SGCE: variants seen among roughly 807,000 people sequenced by gnomAD.
The protein encoded by SGCE is epsilon-sarcoglycan.
Under a neutral mutation model 57.8 loss-of-function variants are expected in SGCE, and 26 were observed. The observed-to-expected ratio is 0.45, with a 90% CI of 0.33 to 0.62. SGCE has a LOEUF of 0.62. SGCE is among the 20% of genes least tolerant of loss of function. The probability of loss-of-function intolerance (pLI) is 0.02; values close to 1 mark genes in which losing one functional copy is unlikely to be tolerated. For synonymous variants in SGCE, 183 were observed against 189.5 expected, an observed-to-expected ratio of 0.97 and a Z score of 0.28; for missense variants, 468 against 548.6, an observed-to-expected ratio of 0.85 and a Z score of 1.47.
intron 3 of SGCE, chr7:94,625,460 C>T (rs1407543201): frequency 6.6e-6 from 1 of 151,868 alleles, no homozygotes; most frequent in Admixed American, 6.6e-5. Flanking sequence ...TCTTATGAAA[C>T]CATCCCAGTA....
intron 1 of SGCE, among the ~76,000 whole-genome samples, chr7:94,644,040 C>T (rs116938643): frequency 6.6e-6 from 1 of 152,280 alleles, no homozygotes; most frequent in Non-Finnish European, 1.5e-5. Flanking sequence ...CTGTGCTCAC[C>T]AGGTTCATGG....
intron 5 of SGCE, chr7:94,616,854 G>C (rs1477852084): frequency 2.0e-5 from 3 of 152,130 alleles, no homozygotes; most frequent in African/African-American, 7.2e-5. Context: ...TTATAGAAAT[G>C]CTATTTTAAA....
Position 94,585,445 on chromosome 7 carries a change from G to A in SGCE, c.*54C>T, listed in dbSNP as rs1170264003. The A allele has an allele frequency of 2.0e-6, 3 of 1,536,834 alleles. No individual in the cohort carries two copies. Among genetic ancestry groups the A allele is most frequent in the Admixed American group, 3.3e-5 (2 of 59,878 alleles). Reference sequence around the variant, plus strand: ...TATTGGAAGAGAAAAGAAATGTGATGTAACTGCTATATTGTCTGATTATAA... The same window carrying A: ...TATTGGAAGAGAAAAGAAATGTGATATAACTGCTATATTGTCTGATTATAA... On this transcript the variant is annotated 3_prime_UTR_variant, in exon 11 of 11. Transcript: ENST00000648936.
intron 10 of SGCE, chr7:94,587,057 T>G (rs1412783172): frequency 1.0e-6 from 1 of 984,874 alleles, no homozygotes; most frequent in Non-Finnish European, 1.2e-6. Flanking sequence ...AAAGCTTTCT[T>G]GACTCAAGCA....
chr7:94,614,107 CAAAAAAAAAAAAA>C (rs925650428), intron 5 of SGCE, among the ~76,000 whole-genome samples: 1 of 94,964 alleles, frequency 1.1e-5, no homozygotes, highest in African/African-American at 4.8e-5. Context: ...AAATTGAAAT[CAAAAAAAAAAAAA>C]AAAAAAAAAA....
chr7:94,620,122 C>G (rs929380072), intron 4 of SGCE: 11 of 152,168 alleles, frequency 7.2e-5, no homozygotes, highest in Admixed American at 7.2e-4. Context: ...GTAAGATATT[C>G]CACTTTTATT....
chr7:94,608,995 C>A (rs550296642), intron 5 of SGCE, among the ~76,000 whole-genome samples: 16 of 152,204 alleles, frequency 1.1e-4, no homozygotes, highest in South Asian at 1.0e-3. Flanking sequence ...ATCGAGATGA[C>A]CTTGGATTTG....
intron 1 of SGCE, among the ~76,000 whole-genome samples, chr7:94,646,931 C>T (rs1265283940): frequency 3.9e-5 from 6 of 152,188 alleles, no homozygotes; most frequent in African/African-American, 1.4e-4. Context: ...TCCCTCATAT[C>T]CCTGTTGCCA....
At position 94,642,984 on chromosome 7, in the gene SGCE, A is replaced by G. The variant is rs540050444; in HGVS notation, c.109+13006T>C. 5.9e-5 allele frequency among the ~76,000 whole-genome samples: 9 copies of G among 152,242 alleles called. No homozygotes were observed. The South Asian group carries it at 1.5e-3, about 25-fold the overall frequency. ...AAGTAAATCCTGCAGGCAAGCAGAC[A>G]CTCTATAGAACTCTCCATTTCTCCA... On this transcript the variant is annotated intron_variant, in intron 1 of 10. Coordinates refer to ENST00000648936, the MANE Select transcript of SGCE (RefSeq NM_003919.3).
chr7:94,650,874 C>G (rs1287583948), intron 1 of SGCE, among the ~76,000 whole-genome samples: 1 of 152,148 alleles, frequency 6.6e-6, no homozygotes, highest in Non-Finnish European at 1.5e-5. Flanking sequence ...TAAACACTTC[C>G]AGACCCTGTG....
intron 5 of SGCE, among the ~76,000 whole-genome samples, chr7:94,610,132 A>G (rs1054064495): frequency 6.6e-6 from 1 of 152,254 alleles, no homozygotes; most frequent in African/African-American, 2.4e-5. Flanking sequence ...CATGATTCCA[A>G]TTATATGACA....
At chr7:94,596,857 A>T (rs1226172832) in intron 9 of SGCE, among the ~76,000 whole-genome samples, 1 of 152,108 alleles carries the variant, frequency 6.6e-6, no homozygotes, top group African/African-American at 2.4e-5. Flanking sequence ...ATCTGTCAAC[A>T]TTTCACTGGC....
At chr7:94,648,201 C>T (rs28498968) in intron 1 of SGCE, among the ~76,000 whole-genome samples, 25,215 of 151,632 alleles carry the variant, frequency 0.17, 2,146 homozygotes, top group East Asian at 0.3. Flanking sequence ...GGTGAAACTC[C>T]GTCTTTACTA....
At chr7:94,636,222 C>T (rs1805575254) in intron 1 of SGCE, among the ~76,000 whole-genome samples, 1 of 152,122 alleles carries the variant, frequency 6.6e-6, no homozygotes, top group Non-Finnish European at 1.5e-5. Context: ...AAAAAGGTTG[C>T]AAACCATTGC....
intron 1 of SGCE, among the ~76,000 whole-genome samples, chr7:94,630,693 T>C (rs1584705916): frequency 6.6e-6 from 1 of 151,974 alleles, no homozygotes; most frequent in East Asian, 1.9e-4. Context: ...GCCGTTACTC[T>C]TGTCACTTCT....
intron 7 of SGCE, 66 bp from the exon 8 acceptor site, chr7:94,599,789 G>A (rs1350842333): frequency 9.0e-7 from 1 of 1,107,118 alleles, no homozygotes; most frequent in African/African-American, 1.5e-5. Flanking sequence ...AAGACTATAT[G>A]CTCATGGGAT....
chr7:94,633,275 C>T (rs1805008042), intron 1 of SGCE, among the ~76,000 whole-genome samples: 1 of 151,808 alleles, frequency 6.6e-6, no homozygotes, highest in South Asian at 2.1e-4. Context: ...AAGTCCAACC[C>T]GCAAGAGGTC....
intron 4 of SGCE, chr7:94,621,936 A>C (rs1336386174): frequency 6.6e-6 from 1 of 152,138 alleles, no homozygotes; most frequent in Non-Finnish European, 1.5e-5. Context: ...TTCATATATG[A>C]AGGTCATTTT....
intron 5 of SGCE, 167 bp downstream of exon 5, chr7:94,618,591 A>C: frequency 3.3e-6 from 2 of 611,242 alleles, no homozygotes; most frequent in Non-Finnish European, 5.6e-6. Context: ...CCACTAACAC[A>C]ACATCTTTGC....
Sources: gnomAD v4.1 joint callset for allele counts (sites outside exome capture counted in the v4.1 genomes callset) on GRCh38, gnomAD v4.1.1 for gene constraint, MANE v1.5 for transcripts, NCBI Gene and HGNC (gene_info 2026-07-23, HGNC 2026-07-21) for gene names.